MECOM: variants seen among roughly 807,000 people sequenced by gnomAD.
MECOM encodes histone-lysine N-methyltransferase MECOM.
A neutral mutation model predicts 116.3 loss-of-function variants in MECOM; 13 were observed. That is an observed-to-expected ratio of 0.11 (90% CI 0.07 to 0.18). The LOEUF is 0.18. Among genes scored for constraint, MECOM ranks in the 10% least tolerant of loss-of-function variants. The pLI, the probability that MECOM is intolerant of heterozygous loss-of-function variation, is 1.00. For missense variants in MECOM, 1,299 were observed against 1,509.0 expected, an observed-to-expected ratio of 0.86 and a Z score of 2.31; for synonymous variants, 528 against 535.2, an observed-to-expected ratio of 0.99 and a Z score of 0.19.
At chr3:169,433,667 A>AAGAAAGAT (rs1387416647) in intron 1 of MECOM, among the ~76,000 whole-genome samples, 1 of 141,526 alleles carries the variant, frequency 7.1e-6, no homozygotes, top group Non-Finnish European at 1.5e-5. Flanking sequence ...GAAAGAAAGA[A>AAGAAAGAT]AGAAAGAAAG....
rs1711582626 is a variant in MECOM at position 169,280,017 on chromosome 3, A to G, written c.375+101170T>C. Reference sequence around the variant, plus strand: ...AGAAATGAACAGCAGTCTCACAGAAATTGCAGAACAGAAGCAGAGGAGAGA... The same window carrying G: ...AGAAATGAACAGCAGTCTCACAGAAGTTGCAGAACAGAAGCAGAGGAGAGA... On this transcript the variant is annotated intron_variant, in intron 2 of 16. Coordinates refer to ENST00000651503, the MANE Select transcript of MECOM (RefSeq NM_004991.4). Among the ~76,000 whole-genome samples, 4 of 152,322 alleles carry G rather than the reference A, an allele frequency of 2.6e-5. No homozygotes were observed. The South Asian group carries it at 8.3e-4, about 32-fold the overall frequency.
chr3:169,210,402 A>G (rs113892223), intron 2 of MECOM, among the ~76,000 whole-genome samples: 2 of 152,304 alleles, frequency 1.3e-5, no homozygotes, highest in African/African-American at 4.8e-5. Context: ...CAAGAAACAT[A>G]TTTCTGAAAA....
At chr3:169,291,497 A>C (rs1714544173) in intron 2 of MECOM, among the ~76,000 whole-genome samples, 2 of 152,174 alleles carry the variant, frequency 1.3e-5, no homozygotes, top group African/African-American at 4.8e-5. Flanking sequence ...GAAATGCTCA[A>C]TCCTCTCTGT....
chr3:169,352,071 T>C (rs147921956), intron 2 of MECOM, among the ~76,000 whole-genome samples: 51 of 152,042 alleles, frequency 3.4e-4, no homozygotes, highest in African/African-American at 1.2e-3. Context: ...ACTACAGAAC[T>C]AAGTAAAAGT....
chr3:169,179,483 C>A (rs1270135427), intron 2 of MECOM, among the ~76,000 whole-genome samples: 2 of 152,102 alleles, frequency 1.3e-5, no homozygotes, highest in Non-Finnish European at 2.9e-5. Context: ...TGACTAGGGG[C>A]TACAGTTCAG....
Position 169,628,315 on chromosome 3 carries a change from C to T in MECOM, c.37+35021G>A, listed in dbSNP as rs535398841. ...TAGAACACTCAAGAGTTTTATAGCA[C>T]AGGAGAGGCCTATAAAAGAAAAGTA... On this transcript the variant is annotated intron_variant, in intron 1 of 16. Transcript: ENST00000651503. Among the ~76,000 whole-genome samples the T allele has an allele frequency of 5.9e-5, 9 of 152,276 alleles. 2 individuals carry two copies. In the South Asian group the frequency reaches 1.9e-3, roughly 32 times the overall value.
chr3:169,541,096 C>G (rs549137406), intron 1 of MECOM, among the ~76,000 whole-genome samples: 69 of 152,340 alleles, frequency 4.5e-4, no homozygotes, highest in South Asian at 1.0e-3. Context: ...AGTCCACAAA[C>G]TGTAATGTGC....
At chr3:169,200,175 G>T (rs1254756655) in intron 2 of MECOM, among the ~76,000 whole-genome samples, 1 of 152,118 alleles carries the variant, frequency 6.6e-6, no homozygotes, top group South Asian at 2.1e-4. Context: ...ACTTAAATCA[G>T]TTTGGGTCTA....
intron 2 of MECOM, among the ~76,000 whole-genome samples, chr3:169,267,774 A>C (rs1758491160): frequency 6.6e-6 from 1 of 151,532 alleles, no homozygotes. Context: ...TTTTTTTTTC[A>C]GAGTCCAACA....
At chr3:169,515,830 T>C (rs527464484) in intron 1 of MECOM, among the ~76,000 whole-genome samples, 2 of 152,354 alleles carry the variant, frequency 1.3e-5, no homozygotes, top group Non-Finnish European at 2.9e-5. Context: ...ATTTTACATA[T>C]ATTAACATTC....
At chr3:169,454,380 T>A (rs1578144667) in intron 1 of MECOM, among the ~76,000 whole-genome samples, 1 of 136,238 alleles carries the variant, frequency 7.3e-6, no homozygotes, top group African/African-American at 2.6e-5. Flanking sequence ...ATGTAGCAAC[T>A]TTCTTTCAGG....
chr3:169,629,677 C>T (rs1771839942), intron 1 of MECOM, among the ~76,000 whole-genome samples: 1 of 152,156 alleles, frequency 6.6e-6, no homozygotes, highest in Non-Finnish European at 1.5e-5. Context: ...ACACCCCACC[C>T]CAAGATCTCT....
chr3:169,492,186 A>G (rs2108925175), intron 1 of MECOM, among the ~76,000 whole-genome samples: 1 of 152,316 alleles, frequency 6.6e-6, no homozygotes, highest in South Asian at 2.1e-4. Context: ...TTGAAAATAG[A>G]TATGAGGCTA....
At chr3:169,312,148 G>A (rs1445724654) in intron 2 of MECOM, among the ~76,000 whole-genome samples, 2 of 152,150 alleles carry the variant, frequency 1.3e-5, no homozygotes, top group Admixed American at 1.3e-4. Context: ...TTGCAATGTG[G>A]AGAACAGATT....
intron 1 of MECOM, among the ~76,000 whole-genome samples, chr3:169,441,767 G>A (rs940010371): frequency 1.9e-5 from 2 of 106,154 alleles, no homozygotes; most frequent in African/African-American, 2.9e-5. Flanking sequence ...GTCTTGCTCT[G>A]TCACCCAGGC....
intron 8 of MECOM, among the ~76,000 whole-genome samples, chr3:169,115,180 C>A (rs1260964054): frequency 6.6e-6 from 1 of 152,062 alleles, no homozygotes; most frequent in African/African-American, 2.4e-5. Flanking sequence ...CTATTCCAAA[C>A]CCCCAACTTC....
chr3:169,485,794 T>A (rs1752051897), intron 1 of MECOM, among the ~76,000 whole-genome samples: 1 of 149,110 alleles, frequency 6.7e-6, no homozygotes, highest in African/African-American at 2.5e-5. Context: ...AGAGATAACT[T>A]TGAAATGTAC....
chr3:169,315,405 G>A (rs1218117474), intron 2 of MECOM, among the ~76,000 whole-genome samples: 4 of 152,208 alleles, frequency 2.6e-5, no homozygotes, highest in African/African-American at 9.7e-5. Context: ...GTGCTCATGA[G>A]TTGAGAATCA....
At position 169,634,243 on chromosome 3, in the gene MECOM, C is replaced by T. The variant is rs564683231; in HGVS notation, c.37+29093G>A. Among the ~76,000 whole-genome samples, 15 of 55,548 alleles carry T rather than the reference C, an allele frequency of 2.7e-4. No homozygotes were observed. In the South Asian group the frequency reaches 7.5e-3, roughly 28 times the overall value. The allele number at this position is 55,548 out of a possible 152,430, so 36.4% of individuals were successfully genotyped here. On this transcript the variant is annotated intron_variant, in intron 1 of 16. Transcript: ENST00000651503. ...GTATGCACAAACATGTGTGCACAAA[C>T]ACACACACACACACACACACACACA...
Sources: gnomAD v4.1 joint callset for allele counts (sites outside exome capture counted in the v4.1 genomes callset) on GRCh38, gnomAD v4.1.1 for gene constraint, MANE v1.5 for transcripts, NCBI Gene and HGNC (gene_info 2026-07-23, HGNC 2026-07-21) for gene names.